The following CARMIL1 variants were observed in gnomAD, a reference collection of about 807,000 sequenced individuals.
CARMIL1 encodes F-actin-uncapping protein LRRC16A.
CARMIL1 carries 90 observed loss-of-function variants against 177.1 expected under a neutral mutation model. The ratio of observed to expected loss-of-function variants is 0.51; its 90% CI spans 0.43 to 0.61. The LOEUF (loss-of-function observed/expected upper bound fraction) is 0.61. Among genes scored for constraint, CARMIL1 ranks in the 20% least tolerant of loss-of-function variants. The pLI is 0.00. For missense variants in CARMIL1, 1,380 were observed against 1,667.0 expected (o/e 0.83, Z 3.00); for synonymous variants, 577 against 606.2 (o/e 0.95, Z 0.71).
intron 8 of CARMIL1, among the ~76,000 whole-genome samples, chr6:25,458,726 G>A (rs1459812496): frequency 6.6e-6 from 1 of 152,042 alleles, no homozygotes; most frequent in Non-Finnish European, 1.5e-5. Flanking sequence ...ACACTGGCTG[G>A]GTTTGAACCC....
At chr6:25,615,637 C>T (rs1351976971) in intron 36 of CARMIL1, among the ~76,000 whole-genome samples, 1 of 152,228 alleles carries the variant, frequency 6.6e-6, no homozygotes, top group African/African-American at 2.4e-5. Flanking sequence ...GACTTGCAGT[C>T]TGTAAGCCAG....
intron 36 of CARMIL1, among the ~76,000 whole-genome samples, chr6:25,615,809 T>C (rs1816845058): frequency 6.6e-6 from 1 of 152,196 alleles, no homozygotes; most frequent in East Asian, 1.9e-4. Flanking sequence ...GTTTTTCTCC[T>C]GGAAAATATG....
chr6:25,458,366 G>A, intron 8 of CARMIL1, among the ~76,000 whole-genome samples: 1 of 151,694 alleles, frequency 6.6e-6, no homozygotes, highest in East Asian at 1.9e-4. Context: ...CACGTCGCCT[G>A]TAGCCCCAGC....
intron 8 of CARMIL1, among the ~76,000 whole-genome samples, chr6:25,451,310 A>G (rs1006739388): frequency 3.9e-5 from 6 of 152,134 alleles, no homozygotes; most frequent in Admixed American, 1.3e-4. Flanking sequence ...TACCCTGTCT[A>G]TAAAATGTAG....
Position 25,296,935 on chromosome 6 carries a change from T to TCTTTAACTAAC in CARMIL1, c.138+12026_138+12027insCTTTAACTAAC, listed in dbSNP as rs11414122. 4.6e-3 allele frequency among the ~76,000 whole-genome samples: 626 copies of TCTTTAACTAAC among 136,370 alleles called. 5 individuals are homozygous for TCTTTAACTAAC. Among genetic ancestry groups the TCTTTAACTAAC allele is most frequent in the East Asian group, 0.013 (62 of 4,724 alleles). 89.5% of individuals were successfully genotyped at this position (136,370 alleles called of 152,430 possible). A position where few individuals can be genotyped will look rare whatever the true frequency, so the allele number is the denominator to read the frequency against. On this transcript the variant is annotated intron_variant, in intron 2 of 36. Coordinates refer to ENST00000329474, the MANE Select transcript of CARMIL1 (RefSeq NM_017640.6). Reference sequence around the variant, plus strand: ...TATCTATCTATCTATCTATCTATCTTTAACTAACTAACTAACTAACTAACT... The same window carrying TCTTTAACTAAC: ...TATCTATCTATCTATCTATCTATCTTCTTTAACTAACTAACTAACTAACTAACTAACTAACT...
chr6:25,477,584 A>T (rs1801690031), intron 11 of CARMIL1, among the ~76,000 whole-genome samples: 2 of 151,908 alleles, frequency 1.3e-5, no homozygotes, highest in African/African-American at 4.8e-5. Context: ...AAGACCCATT[A>T]GCTGGCTGTG....
chr6:25,349,615 C>T lies in CARMIL1; in HGVS notation c.138+64706C>T, dbSNP rs189753040. Among the ~76,000 whole-genome samples, 31 of 152,312 alleles carry T rather than the reference C, an allele frequency of 2.0e-4. 1 individual carries two copies. Among genetic ancestry groups the T allele is most frequent in the Admixed American group, 1.4e-3 (22 of 15,310 alleles). On this transcript the variant is annotated intron_variant, in intron 2 of 36. Coordinates refer to ENST00000329474, the MANE Select transcript of CARMIL1 (RefSeq NM_017640.6). ...TTAAAAGATTGGTAGTTCCCACTGC[C>T]TGAGGCCTGTGTTTACCACCAGGGA...
intron 2 of CARMIL1, among the ~76,000 whole-genome samples, chr6:25,308,620 A>T (rs1233273908): frequency 6.6e-6 from 1 of 151,562 alleles, no homozygotes; most frequent in African/African-American, 2.4e-5. Context: ...TGACCTTGTG[A>T]TCCACCTGCC....
intron 10 of CARMIL1, among the ~76,000 whole-genome samples, chr6:25,471,483 G>C (rs1343297250): frequency 6.6e-6 from 1 of 152,102 alleles, no homozygotes; most frequent in African/African-American, 2.4e-5. Context: ...AGAGTACATA[G>C]TATAGTTTTT....
intron 2 of CARMIL1, among the ~76,000 whole-genome samples, chr6:25,387,602 G>A (rs747094242): frequency 6.6e-6 from 1 of 152,186 alleles, no homozygotes; most frequent in Non-Finnish European, 1.5e-5. Flanking sequence ...TGAAGATGCA[G>A]AATTTAGAAT....
intron 16 of CARMIL1, among the ~76,000 whole-genome samples, chr6:25,499,358 C>T (rs898466242): frequency 6.6e-6 from 1 of 152,174 alleles, no homozygotes; most frequent in African/African-American, 2.4e-5. Context: ...ATCTTATGTT[C>T]ATCTCTATGT....
At chr6:25,556,904 G>GT (rs34575637) in intron 29 of CARMIL1, 54 bp downstream of exon 29, 198,772 of 1,110,338 alleles carry the variant, frequency 0.18, 3,159 homozygotes, top group East Asian at 0.33. Context: ...CTGTGCCATT[G>GT]TTTTTTTTTT....
intron 2 of CARMIL1, among the ~76,000 whole-genome samples, chr6:25,404,755 T>TAAAA (rs56012794): frequency 7.2e-6 from 1 of 139,322 alleles, no homozygotes; most frequent in Non-Finnish European, 1.5e-5. Context: ...GACTTCGTCT[T>TAAAA]AAAAAAAAAA....
intron 8 of CARMIL1, chr6:25,452,001 C>CCCCCCCCA: frequency 2.2e-5 from 5 of 232,314 alleles, no homozygotes; most frequent in South Asian, 4.5e-5. Context: ...CCCCTCCCCC[C>CCCCCCCCA]CCCAGAATAC....
chr6:25,584,822 G>A (rs1254927428), intron 31 of CARMIL1, among the ~76,000 whole-genome samples: 1 of 152,212 alleles, frequency 6.6e-6, no homozygotes. Flanking sequence ...AGGGGAAGAT[G>A]AGAATGACCT....
At chr6:25,420,678 C>G (rs1795783558) in intron 3 of CARMIL1, among the ~76,000 whole-genome samples, 1 of 152,194 alleles carries the variant, frequency 6.6e-6, no homozygotes, top group Non-Finnish European at 1.5e-5. Flanking sequence ...TCCGTCTACT[C>G]TGATGTTGCC....
At chr6:25,518,062 A>T (rs780082341) in intron 22 of CARMIL1, among the ~76,000 whole-genome samples, 2 of 152,208 alleles carry the variant, frequency 1.3e-5, no homozygotes, top group Non-Finnish European at 2.9e-5. Context: ...AACAAAGCAG[A>T]TTTATAGCAT....
chr6:25,486,826 G>A (rs1303896878), intron 12 of CARMIL1, among the ~76,000 whole-genome samples: 1 of 152,086 alleles, frequency 6.6e-6, no homozygotes, highest in Non-Finnish European at 1.5e-5. Context: ...AGAAGACCCT[G>A]CCTGGTACAC....
intron 24 of CARMIL1, among the ~76,000 whole-genome samples, chr6:25,531,117 G>A (rs571587110): frequency 1.3e-5 from 2 of 152,112 alleles, no homozygotes; most frequent in African/African-American, 2.4e-5. Context: ...TCTGTAATTC[G>A]TAAATCAAAA....
Sources: gnomAD v4.1 joint callset for allele counts (sites outside exome capture counted in the v4.1 genomes callset) on GRCh38, gnomAD v4.1.1 for gene constraint, MANE v1.5 for transcripts, NCBI Gene and HGNC (gene_info 2026-07-23, HGNC 2026-07-21) for gene names.